The following ULK4 variants were observed in gnomAD, a reference collection of about 807,000 sequenced individuals.
The protein encoded by ULK4 is inactive serine/threonine-protein kinase ULK4.
A neutral mutation model predicts 160.6 loss-of-function variants in ULK4; 133 were observed. The ratio of observed to expected loss-of-function variants is 0.83; its 90% CI spans 0.72 to 0.96. The LOEUF (loss-of-function observed/expected upper bound fraction) is 0.96, where lower values mean the gene tolerates loss of function less well. Ranked by LOEUF, ULK4 falls within the 40% of genes least tolerant of loss-of-function variation. ULK4 has a pLI of 0.00. For synonymous variants in ULK4, 534 were observed against 539.8 expected (o/e 0.99, Z 0.15); for missense variants, 1,580 against 1,499.5 (o/e 1.05, Z -0.89).
chr3:41,638,199 A>G (rs1559450407), intron 30 of ULK4, among the ~76,000 whole-genome samples: 1 of 152,172 alleles, frequency 6.6e-6, no homozygotes, highest in African/African-American at 2.4e-5. Context: ...TTTTAAAAGT[A>G]TGTTGTTATC....
intron 35 of ULK4, among the ~76,000 whole-genome samples, chr3:41,328,199 C>T (rs1229372676): frequency 6.6e-6 from 1 of 152,184 alleles, no homozygotes; most frequent in Non-Finnish European, 1.5e-5. Flanking sequence ...GAGTTCTCAG[C>T]AGCATGTGCA....
intron 35 of ULK4, among the ~76,000 whole-genome samples, chr3:41,299,783 T>C (rs951542017): frequency 2.0e-5 from 3 of 152,236 alleles, no homozygotes; most frequent in Non-Finnish European, 4.4e-5. Context: ...AATCTGTATT[T>C]ATTATAATAA....
At chr3:41,884,379 A>G (rs531523099) in intron 16 of ULK4, among the ~76,000 whole-genome samples, 1 of 152,352 alleles carries the variant, frequency 6.6e-6, no homozygotes, top group South Asian at 2.1e-4. Flanking sequence ...GAACAGTAAC[A>G]TATCTGTATG....
At chr3:41,707,473 G>C (rs1005377322) in intron 25 of ULK4, among the ~76,000 whole-genome samples, 12 of 152,122 alleles carry the variant, frequency 7.9e-5, no homozygotes, top group African/African-American at 2.9e-4. Context: ...TATCTATGAG[G>C]GGGTGAATAT....
chr3:41,534,373 C>T (rs954671105), intron 32 of ULK4, among the ~76,000 whole-genome samples: 1 of 152,184 alleles, frequency 6.6e-6, no homozygotes, highest in African/African-American at 2.4e-5. Context: ...AATTAATATC[C>T]ATTATTGAAA....
At chr3:41,909,775 A>G (rs1459824283) in intron 11 of ULK4, among the ~76,000 whole-genome samples, 1 of 152,198 alleles carries the variant, frequency 6.6e-6, no homozygotes, top group Non-Finnish European at 1.5e-5. Flanking sequence ...AGATAAACAT[A>G]CATTACATTT....
At chr3:41,384,217 T>G (rs1352735562) in intron 35 of ULK4, among the ~76,000 whole-genome samples, 13 of 152,134 alleles carry the variant, frequency 8.5e-5, no homozygotes. Flanking sequence ...TGGGACATTC[T>G]GACCCAAAAT....
chr3:41,896,728 T>C, intron 15 of ULK4, 94 bp downstream of exon 15: 1 of 1,375,634 alleles, frequency 7.3e-7, no homozygotes, highest in East Asian at 2.3e-5. Flanking sequence ...ATCAGTTTTT[T>C]TGTGGTAGTT....
intron 31 of ULK4, among the ~76,000 whole-genome samples, chr3:41,609,265 C>T (rs1263486301): frequency 6.6e-6 from 1 of 151,966 alleles, no homozygotes; most frequent in African/African-American, 2.4e-5. Context: ...GTTTATTATA[C>T]TTAGTTCAGC....
intron 2 of ULK4, among the ~76,000 whole-genome samples, chr3:41,938,543 G>A (rs766718896): frequency 1.1e-4 from 16 of 152,092 alleles, no homozygotes; most frequent in African/African-American, 2.4e-4. Flanking sequence ...TTAGCGGGGC[G>A]TGGTGGCACG....
intron 32 of ULK4, among the ~76,000 whole-genome samples, chr3:41,471,339 A>G (rs569215317): frequency 6.6e-6 from 1 of 152,172 alleles, no homozygotes; most frequent in Non-Finnish European, 1.5e-5. Flanking sequence ...TCAGAGCACC[A>G]AAATTATATA....
intron 32 of ULK4, among the ~76,000 whole-genome samples, chr3:41,484,176 C>A (rs1575289289): frequency 6.6e-6 from 1 of 151,972 alleles, no homozygotes; most frequent in East Asian, 1.9e-4. Context: ...GGTGATGGAC[C>A]GGGAACTTAC....
At chr3:41,816,916 T>C (rs2040983213) in intron 19 of ULK4, among the ~76,000 whole-genome samples, 1 of 152,336 alleles carries the variant, frequency 6.6e-6, no homozygotes, top group Admixed American at 6.5e-5. Flanking sequence ...TATAAATTGA[T>C]ACACACACAT....
intron 30 of ULK4, among the ~76,000 whole-genome samples, chr3:41,641,616 C>T (rs2034198398): frequency 1.3e-5 from 2 of 152,090 alleles, no homozygotes; most frequent in African/African-American, 2.4e-5. Context: ...AACCACTGGC[C>T]CTAAAGCCTG....
At chr3:41,656,928 C>G (rs1290414187) in intron 30 of ULK4, among the ~76,000 whole-genome samples, 16 of 152,092 alleles carry the variant, frequency 1.1e-4, no homozygotes, top group Non-Finnish European at 5.9e-5. Flanking sequence ...AGCTAATTAT[C>G]TCTTAATGGA....
intron 27 of ULK4, among the ~76,000 whole-genome samples, chr3:41,696,416 G>C (rs956669180): frequency 1.3e-5 from 2 of 152,194 alleles, no homozygotes; most frequent in Non-Finnish European, 2.9e-5. Context: ...AGGGCCCCCT[G>C]TCCAGTGGAC....
intron 17 of ULK4, among the ~76,000 whole-genome samples, chr3:41,877,806 A>AC (rs1291450690): frequency 6.7e-6 from 1 of 150,192 alleles, no homozygotes; most frequent in Admixed American, 6.7e-5. Context: ...ACATGGTGAA[A>AC]CCCCATCTCT....
intron 30 of ULK4, among the ~76,000 whole-genome samples, chr3:41,648,873 C>T (rs537472072): frequency 1.3e-5 from 2 of 152,228 alleles, no homozygotes; most frequent in African/African-American, 2.4e-5. Context: ...GTGGCTCACA[C>T]CTATAATCCC....
chr3:41,514,122 T>G (rs1469163830), intron 32 of ULK4, among the ~76,000 whole-genome samples: 5 of 152,154 alleles, frequency 3.3e-5, no homozygotes, highest in African/African-American at 1.2e-4. Flanking sequence ...ATGGATTGTT[T>G]AAAAAAATTG....
Sources: allele counts gnomAD v4.1 joint callset (sites outside exome capture counted in the v4.1 genomes callset), GRCh38; gene constraint gnomAD v4.1.1; transcripts MANE v1.5; gene names NCBI Gene and HGNC (gene_info 2026-07-23, HGNC 2026-07-21).